Variants in NKAIN2 observed in about 807,000 individuals in gnomAD.
The protein encoded by NKAIN2 is sodium/potassium-transporting ATPase subunit beta-1-interacting protein 2.
NKAIN2 carries 14 observed loss-of-function variants against 32.6 expected under a neutral mutation model. The observed-to-expected ratio is 0.43, with a 90% CI of 0.28 to 0.67. NKAIN2 has a LOEUF of 0.67. Among genes scored for constraint, NKAIN2 ranks in the 30% least tolerant of loss-of-function variants. The pLI is 0.17. For missense variants in NKAIN2, 198 were observed against 258.3 expected (o/e 0.77, Z 1.60); for synonymous variants, 80 against 87.2 (o/e 0.92, Z 0.46).
intron 3 of NKAIN2, chr6:124,390,666 C>A (rs1773101782): frequency 6.6e-6 from 1 of 152,146 alleles, no homozygotes; most frequent in Non-Finnish European, 1.5e-5. Context: ...CATATGAGAT[C>A]TACCTATGGG....
chr6:124,036,642 C>A (rs533723035), intron 1 of NKAIN2, among the ~76,000 whole-genome samples: 1 of 152,060 alleles, frequency 6.6e-6, no homozygotes, highest in Admixed American at 6.6e-5. Flanking sequence ...CCTTTACAAA[C>A]AAAATATTTT....
chr6:123,909,266 C>G (rs139650540), intron 1 of NKAIN2, among the ~76,000 whole-genome samples: 3 of 152,232 alleles, frequency 2.0e-5, no homozygotes, highest in East Asian at 3.9e-4. Flanking sequence ...TATTTAGCCT[C>G]TGTCTCCCAC....
At chr6:124,250,376 A>G (rs1035066555) in intron 1 of NKAIN2, among the ~76,000 whole-genome samples, 1 of 152,122 alleles carries the variant, frequency 6.6e-6, no homozygotes, top group Non-Finnish European at 1.5e-5. Context: ...AGAATAAATT[A>G]AAAAAATAAT....
In NKAIN2 at chr6:124,743,119, G is replaced by A. The variant is rs540837413; in HGVS notation, c.475-48220G>A. 3.9e-5 allele frequency among the ~76,000 whole-genome samples: 6 copies of A among 151,958 alleles called. No homozygotes were observed. The East Asian group carries it at 7.8e-4, about 20-fold the overall frequency. On this transcript the variant is annotated intron_variant, in intron 4 of 6. Transcript: ENST00000368417. ...GGGGATAGTGGTTGAAAGTACAGAC[G>A]CTGGAGTCAGATCACCTGGGACAAA...
chr6:123,895,511 A>G (rs1774237372), intron 1 of NKAIN2, among the ~76,000 whole-genome samples: 2 of 151,614 alleles, frequency 1.3e-5, no homozygotes, highest in South Asian at 4.1e-4. Flanking sequence ...AGTACATCCT[A>G]TGCTATGAAT....
At chr6:123,885,710 A>C (rs569006075) in intron 1 of NKAIN2, among the ~76,000 whole-genome samples, 1 of 152,086 alleles carries the variant, frequency 6.6e-6, no homozygotes, top group South Asian at 2.1e-4. Flanking sequence ...AGTGAGCTAT[A>C]TAAAATTGTC....
chr6:124,062,080 T>G (rs1195100198), intron 1 of NKAIN2, among the ~76,000 whole-genome samples: 1 of 152,208 alleles, frequency 6.6e-6, no homozygotes, highest in Non-Finnish European at 1.5e-5. Context: ...TTTCAATCTG[T>G]TGCTCAAGTA....
intron 1 of NKAIN2, among the ~76,000 whole-genome samples, chr6:123,891,359 C>T (rs930268117): frequency 1.3e-5 from 2 of 152,122 alleles, no homozygotes; most frequent in African/African-American, 4.8e-5. Context: ...TTACCACACA[C>T]AAAAAGCAAT....
chr6:124,175,193 C>G (rs1167639844), intron 1 of NKAIN2, among the ~76,000 whole-genome samples: 1 of 152,066 alleles, frequency 6.6e-6, no homozygotes. Context: ...TCATGTGGCT[C>G]TCATTGCATA....
chr6:124,294,526 A>G (rs938046597), intron 2 of NKAIN2, among the ~76,000 whole-genome samples: 6 of 152,204 alleles, frequency 3.9e-5, no homozygotes, highest in Admixed American at 1.3e-4. Flanking sequence ...CTGACACTGC[A>G]TAAAGAAAGT....
rs1554214466 is a variant in NKAIN2 at position 123,850,355 on chromosome 6, A to AATAT, written c.54+46115_54+46118dup. On this transcript the variant is annotated intron_variant, in intron 1 of 6. Transcript: ENST00000368417. ...TTGCAAGCTGCTGAAAAAAAAAAAA[A>AATAT]ATATATATATATATATACACACACA... Among the ~76,000 whole-genome samples the AATAT allele has an allele frequency of 2.8e-3, 377 of 133,446 alleles. 2 individuals are homozygous for AATAT. Among genetic ancestry groups the AATAT allele is most frequent in the African/African-American group, 0.01 (354 of 34,074 alleles). The allele number at this position is 133,446 out of a possible 152,430, so 87.5% of individuals were successfully genotyped here.
intron 1 of NKAIN2, among the ~76,000 whole-genome samples, chr6:123,926,651 CT>C (rs1412158879): frequency 1.3e-5 from 2 of 152,168 alleles, no homozygotes; most frequent in Admixed American, 6.6e-5. Flanking sequence ...TTTGCTCCCC[CT>C]CATCTTGATT....
intron 2 of NKAIN2, among the ~76,000 whole-genome samples, chr6:124,323,777 A>ATTTTCTTTTTTTTTTT (rs1237658485): frequency 2.6e-5 from 3 of 115,494 alleles, no homozygotes; most frequent in African/African-American, 7.9e-5. Context: ...AATTCTTTTA[A>ATTTTCTTTTTTTTTTT]TTTTTTCTTT....
At chr6:124,044,995 AT>A (rs1423159858) in intron 1 of NKAIN2, among the ~76,000 whole-genome samples, 2 of 151,964 alleles carry the variant, frequency 1.3e-5, no homozygotes, top group Non-Finnish European at 2.9e-5. Context: ...GTTTTCTGAT[AT>A]TTTGGAAGAG....
intron 3 of NKAIN2, among the ~76,000 whole-genome samples, chr6:124,568,822 C>CAAAAAAAAAAA (rs3053601): frequency 1.2e-5 from 1 of 80,524 alleles, no homozygotes; most frequent in Non-Finnish European, 2.2e-5. Context: ...AGCACTGTGG[C>CAAAAAAAAAAA]AAAAAAAAAA....
At chr6:124,810,109 T>G (rs1780815900) in intron 5 of NKAIN2, among the ~76,000 whole-genome samples, 1 of 152,022 alleles carries the variant, frequency 6.6e-6, no homozygotes, top group South Asian at 2.1e-4. Flanking sequence ...GAAATACCAT[T>G]TGACCCAGCC....
chr6:124,746,619 C>T (rs1474557653), intron 4 of NKAIN2, among the ~76,000 whole-genome samples: 11 of 151,840 alleles, frequency 7.2e-5, no homozygotes, highest in African/African-American at 2.2e-4. Context: ...TACAGTAAAA[C>T]ATCATCAAGA....
Position 124,191,346 on chromosome 6 carries a change from G to A in NKAIN2, c.55-91659G>A, listed in dbSNP as rs1209561928. Among the ~76,000 whole-genome samples, 6 of 151,676 alleles carry A rather than the reference G, an allele frequency of 4.0e-5. No individual in the cohort carries two copies. In the East Asian group the frequency reaches 1.2e-3, roughly 29 times the overall value. The stretch of plus-strand genomic sequence containing the variant: ...GCACATCTTTTTTTTGTTTTTGAAT[G>A]TATTCATAAGTATGGTTTTGCTGCT... On this transcript the variant is annotated intron_variant, in intron 1 of 6. Transcript: ENST00000368417.
intron 4 of NKAIN2, among the ~76,000 whole-genome samples, chr6:124,707,335 T>C (rs1482113564): frequency 1.3e-5 from 2 of 152,036 alleles, no homozygotes; most frequent in Non-Finnish European, 2.9e-5. Flanking sequence ...GAATGATTTA[T>C]AGTCCTTTGG....
Sources: allele counts gnomAD v4.1 joint callset (sites outside exome capture counted in the v4.1 genomes callset), GRCh38; gene constraint gnomAD v4.1.1; transcripts MANE v1.5; gene names NCBI Gene and HGNC (gene_info 2026-07-23, HGNC 2026-07-21).